Variants in UGT1A5 observed in about 807,000 individuals in gnomAD.
UGT1A5 encodes UDP glucuronosyltransferase family 1 member A5.
In UGT1A5, 29 loss-of-function variants were observed where a neutral mutation model predicts 40.3. The observed-to-expected ratio is 0.72, with a 90% CI of 0.54 to 0.98. The LOEUF is 0.98. UGT1A5 is among the 50% of genes least tolerant of loss of function. UGT1A5 has a pLI of 0.00. For missense variants in UGT1A5, 678 were observed against 677.9 expected (o/e 1.00, Z 0.00); for synonymous variants, 257 against 262.5 (o/e 0.98, Z 0.20).
intron 1 of UGT1A5, among the ~76,000 whole-genome samples, chr2:233,759,797 C>T (rs1216409236): frequency 1.3e-5 from 2 of 152,262 alleles, no homozygotes; most frequent in East Asian, 3.9e-4. Flanking sequence ...ACACATGATA[C>T]AAGTGAGCAG....
At chr2:233,740,251 C>G (rs922661439) in intron 1 of UGT1A5, among the ~76,000 whole-genome samples, 2 of 151,726 alleles carry the variant, frequency 1.3e-5, no homozygotes, top group African/African-American at 4.9e-5. Flanking sequence ...TAGACTAATA[C>G]AAGATTGGTG....
chr2:233,755,319 C>T (rs776967353), intron 1 of UGT1A5: 53 of 507,946 alleles, frequency 1.0e-4, no homozygotes, highest in Non-Finnish European at 1.5e-4. Context: ...AGCGGCAAGG[C>T]TGCCAGCACC....
chr2:233,763,730 G>A (rs559647176), intron 1 of UGT1A5, among the ~76,000 whole-genome samples: 3 of 152,268 alleles, frequency 2.0e-5, no homozygotes, highest in Non-Finnish European at 4.4e-5. Context: ...GCACAACCTG[G>A]CATTGGCGTG....
chr2:233,767,857 G>A lies in UGT1A5; in HGVS notation c.1008G>A (p.Trp336Ter), dbSNP rs1699508733. The change falls in exon 3 of 5, where the codon TGG becomes TGA. Residue 336 changes from tryptophan (W) to a stop codon, truncating the protein, a stop_gained. Coordinates refer to ENST00000373414, the MANE Select transcript of UGT1A5 (RefSeq NM_019078.2). LOFTEE classifies it high-confidence loss of function. ...ALGKIPQTVL[W>*]RYTGTRPSNL... Reference sequence around the variant, plus strand: ...CTTTTTGCCCCTCCCAGGTCCTGTGGCGGTACACTGGAACCCGACCATCGA... The same window carrying A: ...CTTTTTGCCCCTCCCAGGTCCTGTGACGGTACACTGGAACCCGACCATCGA... 6.2e-7 allele frequency: 1 copy of A among 1,613,994 alleles called. No homozygotes were observed. The highest frequency in any genetic ancestry group is 1.1e-5 in the South Asian group (1 of 91,076).
At chr2:233,743,177 G>A (rs1692221574) in intron 1 of UGT1A5, 2 of 366,924 alleles carry the variant, frequency 5.5e-6, no homozygotes. Context: ...AAAGTCAAAT[G>A]TGGACTGGAA....
chr2:233,730,336 A>G (rs552905312), intron 1 of UGT1A5, among the ~76,000 whole-genome samples: 1 of 152,310 alleles, frequency 6.6e-6, no homozygotes, highest in African/African-American at 2.4e-5. Flanking sequence ...TACGTTTGGA[A>G]CTGATCCATC....
chr2:233,744,895 T>C (rs1259140735), intron 1 of UGT1A5, among the ~76,000 whole-genome samples: 1 of 151,910 alleles, frequency 6.6e-6, no homozygotes, highest in African/African-American at 2.4e-5. Flanking sequence ...CTCCTCTCCA[T>C]ACCAAAATCT....
rs185333824 is a variant in UGT1A5, at chr2:233,753,128, G to A, written c.868-13906G>A. 3.3e-4 allele frequency: 50 copies of A among 152,262 alleles called. No individual in the cohort carries two copies. The East Asian group carries it at 8.9e-3, about 27-fold the overall frequency. 9.4% of individuals were successfully genotyped at this position (152,262 alleles called of 1,614,324 possible). A position where few individuals can be genotyped will look rare whatever the true frequency, so the allele number is the denominator to read the frequency against. On this transcript the variant is annotated intron_variant, in intron 1 of 4. Transcript: ENST00000373414. ...AAACCCATCCCCAGCAAACTACTCA[G>A]TGAGTATCTTCACACATGTAAGTTC...
chr2:233,770,795 G>A (rs1575855208), intron 4 of UGT1A5: 1 of 152,228 alleles, frequency 6.6e-6, no homozygotes, highest in East Asian at 1.9e-4. Flanking sequence ...TTATAGATAT[G>A]TTTAAAGACA....
chr2:233,748,290 T>C (rs1391858558), intron 1 of UGT1A5, among the ~76,000 whole-genome samples: 2 of 151,668 alleles, frequency 1.3e-5, no homozygotes, highest in Non-Finnish European at 2.9e-5. Flanking sequence ...GAGGCAGACA[T>C]GAATGTTTAT....
rs1315279815 is a variant in UGT1A5 at position 233,769,066 on chromosome 2, A to T, written c.1307+627A>T. Reference sequence around the variant, plus strand: ...ATCCATAAGTTTCCTGCACAGAAAGAAATACTCCATTATAAGAAGCATAGT... The same window carrying T: ...ATCCATAAGTTTCCTGCACAGAAAGTAATACTCCATTATAAGAAGCATAGT... On this transcript the variant is annotated intron_variant, in intron 4 of 4. Transcript: ENST00000373414. The surrounding 1 kb of genome is among the most constrained non-coding windows in gnomAD (Gnocchi z 4.4). 6.6e-6 allele frequency among the ~76,000 whole-genome samples: 1 copy of T among 152,220 alleles called. No homozygotes were observed. Among genetic ancestry groups the T allele is most frequent in the African/African-American group, 2.4e-5 (1 of 41,470 alleles).
At chr2:233,714,382 T>C (rs1323098990) in intron 1 of UGT1A5, among the ~76,000 whole-genome samples, 2 of 152,130 alleles carry the variant, frequency 1.3e-5, no homozygotes, top group Non-Finnish European at 2.9e-5. Context: ...TTCAGTGGAA[T>C]TGGGCCAATG....
At chr2:233,765,122 G>A (rs181302961) in intron 1 of UGT1A5, among the ~76,000 whole-genome samples, 232 of 152,218 alleles carry the variant, frequency 1.5e-3, no homozygotes, top group Admixed American at 3.1e-3. Context: ...GACTGTTCAG[G>A]TTTTAGCACT....
chr2:233,753,830 C>T (rs560874978), intron 1 of UGT1A5, among the ~76,000 whole-genome samples: 4 of 152,332 alleles, frequency 2.6e-5, no homozygotes, highest in Non-Finnish European at 4.4e-5. Flanking sequence ...GGGCTGAAGA[C>T]AGTCCTAGTA....
At chr2:233,766,011 C>T (rs921466084) in intron 1 of UGT1A5, among the ~76,000 whole-genome samples, 4 of 152,188 alleles carry the variant, frequency 2.6e-5, no homozygotes, top group African/African-American at 9.6e-5. Context: ...TGGGTTATGG[C>T]CTTCTTTTAG....
chr2:233,768,138 G>A, intron 3 of UGT1A5, 82 bp from the exon 4 acceptor site: 1 of 1,609,178 alleles, frequency 6.2e-7, no homozygotes, highest in Non-Finnish European at 8.5e-7. Context: ...CTGAGTCTTT[G>A]GAGTGTTTTC....
chr2:233,747,456 A>G (rs1299694493), intron 1 of UGT1A5: 47 of 1,608,814 alleles, frequency 2.9e-5, no homozygotes, highest in Non-Finnish European at 3.7e-5. Context: ...AACCTATGCC[A>G]TTTCATGGAC....
At chr2:233,757,272 A>G (rs1186408915) in intron 1 of UGT1A5, among the ~76,000 whole-genome samples, 15 of 122,852 alleles carry the variant, frequency 1.2e-4, no homozygotes, top group East Asian at 8.4e-4. Context: ...AGCCGATGCA[A>G]TGATTCAGAA....
Position 233,772,664 on chromosome 2 carries a change from C to G in UGT1A5, c.*105C>G, listed in dbSNP as rs1700540961. 1.9e-6 allele frequency: 3 copies of G among 1,539,532 alleles called. No individual in the cohort carries two copies. Among genetic ancestry groups the G allele is most frequent in the Non-Finnish European group, 2.6e-6 (3 of 1,144,204 alleles). ...TCATTTTATTCTTATTAAGGAAATA[C>G]TTTGCATAAATTAATCAGCCCCAGA... On this transcript the variant is annotated 3_prime_UTR_variant, in exon 5 of 5. Coordinates refer to ENST00000373414, the MANE Select transcript of UGT1A5 (RefSeq NM_019078.2).
Sources: allele counts gnomAD v4.1 joint callset (sites outside exome capture counted in the v4.1 genomes callset), GRCh38; gene constraint gnomAD v4.1.1; non-coding constraint Gnocchi (gnomAD v3.1); transcripts MANE v1.5; gene names NCBI Gene and HGNC (gene_info 2026-07-23, HGNC 2026-07-21).